DOP1A: variants seen among roughly 807,000 people sequenced by gnomAD.
The protein encoded by DOP1A is protein DOP1A.
Under a neutral mutation model 267.6 loss-of-function variants are expected in DOP1A, and 90 were observed. That is an observed-to-expected ratio of 0.34 (90% confidence interval 0.28 to 0.40). The LOEUF (loss-of-function observed/expected upper bound fraction) is 0.40, where lower values mean the gene tolerates loss of function less well. Among genes scored for constraint, DOP1A ranks in the 10% least tolerant of loss-of-function variants. The pLI, the probability that DOP1A is intolerant of heterozygous loss-of-function variation, is 1.00. For synonymous variants in DOP1A, 932 were observed against 999.1 expected (o/e 0.93, Z 1.27); for missense variants, 2,437 against 2,900.4 (o/e 0.84, Z 3.67).
chr6:83,083,005 A>T (rs1271705104), intron 1 of DOP1A, among the ~76,000 whole-genome samples: 1 of 151,830 alleles, frequency 6.6e-6, no homozygotes, highest in African/African-American at 2.4e-5. Flanking sequence ...ATGGGATTTC[A>T]CCATGTTGGC....
intron 12 of DOP1A, 25 bp from the exon 13 acceptor site, chr6:83,124,680 A>G (rs776008941): frequency 6.5e-7 from 1 of 1,545,648 alleles, no homozygotes; most frequent in East Asian, 2.2e-5. Flanking sequence ...CAGTATACTT[A>G]ATAAAGTGAA....
chr6:83,166,357 C>T, intron 38 of DOP1A: 1 of 697,728 alleles, frequency 1.4e-6, no homozygotes, highest in South Asian at 1.5e-5. Context: ...CTTCAAGGCT[C>T]TAGTCTCCTT....
intron 4 of DOP1A, among the ~76,000 whole-genome samples, chr6:83,103,094 TTTA>T (rs918914524): frequency 6.6e-6 from 1 of 152,102 alleles, no homozygotes; most frequent in African/African-American, 2.4e-5. Context: ...TAGGTAGGTT[TTTA>T]TTATTATTAT....
chr6:83,104,692 G>GT (rs1477022860), intron 4 of DOP1A, among the ~76,000 whole-genome samples: 1 of 152,102 alleles, frequency 6.6e-6, no homozygotes. Context: ...GTTTTAATAA[G>GT]TTTTTTCTCT....
intron 38 of DOP1A, among the ~76,000 whole-genome samples, chr6:83,163,698 G>A (rs1026400355): frequency 1.3e-5 from 2 of 151,916 alleles, no homozygotes; most frequent in African/African-American, 4.8e-5. Context: ...TTTCCTTTTT[G>A]TAGTTCACAG....
intron 1 of DOP1A, among the ~76,000 whole-genome samples, chr6:83,086,254 T>C (rs1769214359): frequency 6.6e-6 from 1 of 152,220 alleles, no homozygotes. Flanking sequence ...GTAGGTTATA[T>C]GTATAATATG....
intron 1 of DOP1A, among the ~76,000 whole-genome samples, chr6:83,074,005 A>G (rs1786049665): frequency 6.6e-6 from 1 of 152,220 alleles, no homozygotes; most frequent in African/African-American, 2.4e-5. Context: ...GTGGTAAGGA[A>G]TTGCCCAAGA....
In DOP1A at chr6:83,137,275, G is replaced by T. The variant is rs1263751779; in HGVS notation, c.3233G>T (p.Arg1078Ile). ...CTCACTGTGAATCCATTAAGTGACA[G>T]ACTTTCCCTCCTAAGTACCAGCAGT... is the stretch of plus-strand genomic sequence containing the variant. ...FSLTVNPLSD[R>I]LSLLSTSSET... The change falls in exon 21 of 39, where the codon AGA becomes ATA. Residue 1078 changes from arginine to isoleucine, a missense_variant. By Grantham distance (97) the Arg-to-Ile change is moderately conservative (BLOSUM62 -3). Coordinates refer to ENST00000349129, the MANE Select transcript of DOP1A (RefSeq NM_015018.4). 6.2e-7 allele frequency: 1 copy of T among 1,613,562 alleles called. No homozygotes were observed. The highest frequency in any genetic ancestry group is 1.3e-5 in the African/African-American group (1 of 74,882).
chr6:83,136,375 C>T (rs1778859216), intron 20 of DOP1A, among the ~76,000 whole-genome samples: 1 of 152,096 alleles, frequency 6.6e-6, no homozygotes, highest in Admixed American at 6.6e-5. Context: ...CTACAAAGTC[C>T]ATACTTTATA....
chr6:83,126,487 A>C (rs926976246), intron 15 of DOP1A, among the ~76,000 whole-genome samples: 1 of 152,132 alleles, frequency 6.6e-6, no homozygotes, highest in African/African-American at 2.4e-5. Context: ...AGCTAAACAT[A>C]GTCTCTGCCC....
chr6:83,170,270 T>C (rs1046562438), downstream of DOP1A: 3 of 1,600,896 alleles, frequency 1.9e-6, no homozygotes, highest in East Asian at 4.5e-5. Context: ...TCACCTAATA[T>C]TAGGCTCTTT....
At chr6:83,163,409 G>A (rs2128433745) in intron 38 of DOP1A, among the ~76,000 whole-genome samples, 1 of 152,176 alleles carries the variant, frequency 6.6e-6, no homozygotes, top group Admixed American at 6.5e-5. Context: ...ACTAATCAAT[G>A]GGTAAGAAGA....
intron 20 of DOP1A, 142 bp from the exon 21 acceptor site, chr6:83,137,031 T>C: frequency 2.4e-6 from 2 of 847,842 alleles, no homozygotes; most frequent in Non-Finnish European, 3.3e-6. Context: ...TCACCTGCAA[T>C]AAAATAAAAT....
Position 83,159,949 on chromosome 6 carries a change from T to G in DOP1A, c.6951T>G (p.Pro2317=). ...TCGCATTGCCCTCTGAAAACCTTCCTCAGTTTCAGATGTAAGTAAAAGCAA... is the reference window on the plus strand; with the variant it reads ...TCGCATTGCCCTCTGAAAACCTTCCGCAGTTTCAGATGTAAGTAAAAGCAA... ...LALALPSENL[P]QFQMYRWAFI... Residue 2317 remains proline (P), a synonymous_variant, in exon 37 of 39, where the codon CCT becomes CCG. Transcript: ENST00000349129. 2 of 1,614,112 alleles carry G rather than the reference T, an allele frequency of 1.2e-6. No homozygotes were observed. The highest frequency in any genetic ancestry group is 1.7e-6 in the Non-Finnish European group (2 of 1,179,994).
intron 11 of DOP1A, 86 bp downstream of exon 11, chr6:83,122,136 T>G: frequency 1.4e-4 from 190 of 1,383,560 alleles, no homozygotes; most frequent in Non-Finnish European, 1.8e-4. Context: ...CTTGGGATCC[T>G]ACTCTATGAA....
intron 3 of DOP1A, among the ~76,000 whole-genome samples, chr6:83,097,774 A>G (rs1336839333): frequency 6.6e-6 from 1 of 151,798 alleles, no homozygotes; most frequent in African/African-American, 2.4e-5. Context: ...TTAAATTGTT[A>G]TTGAATGGGA....
chr6:83,139,105 G>A lies in DOP1A; in HGVS notation c.5063G>A (p.Arg1688Lys), dbSNP rs768520662. Reference protein sequence around the residue: ...VVVSVTLQLCRNLDNLIQQYK... With the variant: ...VVVSVTLQLCKNLDNLIQQYK... ...GTTTCTGTGACACTACAACTGTGCA[G>A]AAATTTAGATAATCTAATTCAGCAG... Residue 1688 changes from arginine (R) to lysine (K), a missense_variant, in exon 21 of 39, where the codon AGA becomes AAA. Physicochemically the swap from Arg to Lys is conservative, Grantham distance 26. Transcript: ENST00000349129. The A allele has an allele frequency of 6.2e-7, 1 of 1,613,960 alleles. No individual in the cohort carries two copies. The highest frequency in any genetic ancestry group is 2.2e-5 in the East Asian group (1 of 44,880).
At chr6:83,149,825 A>C (rs1375008099) in intron 27 of DOP1A, among the ~76,000 whole-genome samples, 1 of 152,192 alleles carries the variant, frequency 6.6e-6, no homozygotes, top group Non-Finnish European at 1.5e-5. Flanking sequence ...AAAAGAAGAA[A>C]ACCAGGCATT....
intron 1 of DOP1A, among the ~76,000 whole-genome samples, chr6:83,087,410 A>G (rs1474275045): frequency 6.6e-6 from 1 of 152,016 alleles, no homozygotes; most frequent in African/African-American, 2.4e-5. Flanking sequence ...GCTCATTTTC[A>G]GGCTGAAAAC....
Sources: gnomAD v4.1 joint callset for allele counts (sites outside exome capture counted in the v4.1 genomes callset) on GRCh38, gnomAD v4.1.1 for gene constraint, MANE v1.5 for transcripts, NCBI Gene and HGNC (gene_info 2026-07-23, HGNC 2026-07-21) for gene names.